RDX: variants seen among roughly 807,000 people sequenced by gnomAD.
RDX encodes the protein radixin, also known as deafness, autosomal recessive 24.
RDX carries 32 observed loss-of-function variants against 83.7 expected under a neutral mutation model. The observed-to-expected ratio is 0.38, with a 90% CI of 0.29 to 0.51. The LOEUF (loss-of-function observed/expected upper bound fraction) is 0.51. Ranked by LOEUF, RDX falls within the 20% of genes least tolerant of loss-of-function variation. RDX has a pLI of 0.87. For missense variants in RDX, 600 were observed against 689.9 expected (o/e 0.87, Z 1.46); for synonymous variants, 229 against 222.7 (o/e 1.03, Z -0.25).
At chr11:110,214,934 A>G (rs1391870715) in intron 14 of RDX, among the ~76,000 whole-genome samples, 1 of 149,340 alleles carries the variant, frequency 6.7e-6, no homozygotes, top group East Asian at 1.9e-4. Flanking sequence ...TGGCACATGT[A>G]TACATATGTA....
intron 14 of RDX, among the ~76,000 whole-genome samples, chr11:110,201,800 G>A (rs371867810): frequency 3.3e-5 from 5 of 152,012 alleles, no homozygotes; most frequent in African/African-American, 4.8e-5. Flanking sequence ...CAATGGCGCC[G>A]TCTTGGCTCA....
At chr11:110,292,118 C>A (rs1861268421) in intron 1 of RDX, among the ~76,000 whole-genome samples, 1 of 152,140 alleles carries the variant, frequency 6.6e-6, no homozygotes, top group South Asian at 2.1e-4. Context: ...CATGGTAACA[C>A]CCTGTCTCTA....
intron 15 of RDX, among the ~76,000 whole-genome samples, chr11:110,198,816 A>G (rs976619829): frequency 1.5e-5 from 2 of 131,286 alleles, no homozygotes; most frequent in Admixed American, 7.5e-5. Context: ...AAATCTGAAT[A>G]CGTCTTTTTT....
In RDX at chr11:110,229,441, T is replaced by C. The variant is rs956540799; in HGVS notation, c.*2428A>G. On this transcript the variant is annotated 3_prime_UTR_variant, in exon 14 of 14. Transcript: ENST00000645495. ...CCATGTTAAATAACAACAGTGGACC[T>C]TGAAGGCATGAGCTTTTGTCACTTT... The C allele has an allele frequency of 2.6e-5, 4 of 152,566 alleles. No homozygotes were observed. The highest frequency in any genetic ancestry group is 7.2e-5 in the African/African-American group (3 of 41,554). The allele number at this position is 152,566 out of a possible 1,614,324, so 9.5% of individuals were successfully genotyped here.
At chr11:110,290,263 G>A (rs550608343) in intron 1 of RDX, among the ~76,000 whole-genome samples, 77 of 152,136 alleles carry the variant, frequency 5.1e-4, no homozygotes, top group African/African-American at 1.7e-3. Flanking sequence ...GGTGGCTCAC[G>A]CCTGTAATCC....
chr11:110,258,009 G>A (rs1326568757), intron 6 of RDX, 96 bp from the exon 7 acceptor site: 1 of 1,476,412 alleles, frequency 6.8e-7, no homozygotes, highest in African/African-American at 1.4e-5. Flanking sequence ...CTTTACATAA[G>A]TCAAACAATC....
intron 15 of RDX, among the ~76,000 whole-genome samples, chr11:110,191,231 T>C (rs898006202): frequency 6.6e-6 from 1 of 152,132 alleles, no homozygotes; most frequent in Admixed American, 6.5e-5. Context: ...TTCACCATGA[T>C]CAAGTCAGCT....
downstream of RDX, among the ~76,000 whole-genome samples, chr11:110,228,545 T>A (rs912151745): frequency 3.9e-5 from 6 of 152,062 alleles, no homozygotes; most frequent in East Asian, 1.2e-3. Context: ...AAGTTAGTAA[T>A]CCCTTAGACT....
chr11:110,267,179 T>C (rs549613577), intron 3 of RDX, among the ~76,000 whole-genome samples: 2 of 152,180 alleles, frequency 1.3e-5, no homozygotes, highest in South Asian at 4.1e-4. Flanking sequence ...GTTGGGATTA[T>C]AGGCATGAGC....
chr11:110,211,321 A>C (rs985119706), intron 14 of RDX, among the ~76,000 whole-genome samples: 14 of 152,236 alleles, frequency 9.2e-5, no homozygotes, highest in African/African-American at 2.6e-4. Flanking sequence ...CAGGAGCACC[A>C]AGATTCATAA....
At chr11:110,179,318 G>A (rs1039416008) in intron 15 of RDX, among the ~76,000 whole-genome samples, 2 of 152,144 alleles carry the variant, frequency 1.3e-5, no homozygotes, top group East Asian at 1.9e-4. Context: ...TGAACACCAC[G>A]CCAGGAAGTA....
At chr11:110,267,286 C>A (rs938198684) in intron 3 of RDX, among the ~76,000 whole-genome samples, 1 of 151,618 alleles carries the variant, frequency 6.6e-6, no homozygotes, top group Admixed American at 6.6e-5. Context: ...GCCAAGGCAG[C>A]TAGATCACTT....
chr11:110,232,132 T>C (rs925224532), intron 13 of RDX, 99 bp from the exon 14 acceptor site: 1 of 954,976 alleles, frequency 1.0e-6, no homozygotes, highest in Non-Finnish European at 1.6e-6. Flanking sequence ...TACCAAATCA[T>C]TTCCACTGTG....
intron 15 of RDX, among the ~76,000 whole-genome samples, chr11:110,191,321 A>C (rs1215032528): frequency 6.6e-6 from 1 of 152,268 alleles, no homozygotes; most frequent in Non-Finnish European, 1.5e-5. Context: ...ATAAAAACAA[A>C]AATGATATGA....
At chr11:110,203,753 C>A (rs896308493) in intron 14 of RDX, among the ~76,000 whole-genome samples, 1 of 152,020 alleles carries the variant, frequency 6.6e-6, no homozygotes, top group African/African-American at 2.4e-5. Flanking sequence ...TACACACACA[C>A]GGTTGGTTAC....
At chr11:110,219,107 C>G (rs1283316458) in intron 14 of RDX, among the ~76,000 whole-genome samples, 1 of 152,078 alleles carries the variant, frequency 6.6e-6, no homozygotes, top group Non-Finnish European at 1.5e-5. Flanking sequence ...GAGGAAGGTA[C>G]AATTTTAAAT....
chr11:110,269,803 C>T (rs1237354623), intron 3 of RDX, among the ~76,000 whole-genome samples: 3 of 151,950 alleles, frequency 2.0e-5, no homozygotes, highest in Admixed American at 6.6e-5. Flanking sequence ...TTTGGGAGGC[C>T]GAGGGAGGCG....
rs190466333 is a variant in RDX, at chr11:110,182,512, G to C, written c.*32-7278C>G. Among the ~76,000 whole-genome samples the C allele has an allele frequency of 1.5e-3, 209 of 139,016 alleles. 3 individuals carry two copies. The East Asian group carries it at 0.03, about 20-fold the overall frequency. The allele number at this position is 139,016 out of a possible 152,430, so 91.2% of individuals were successfully genotyped here. A position where few individuals can be genotyped will look rare whatever the true frequency, so the allele number is the denominator to read the frequency against. On this transcript the variant is annotated intron_variant, in intron 15 of 15. Transcript: ENST00000528498. ...GCTACTCGGGAGGCTGAGGTGGGAGGATGGTTTAAGCCTGAGAGATGGAGG... is the reference window on the plus strand; with the variant it reads ...GCTACTCGGGAGGCTGAGGTGGGAGCATGGTTTAAGCCTGAGAGATGGAGG...
At chr11:110,215,049 A>ATATATAT (rs1555033357) in intron 14 of RDX, among the ~76,000 whole-genome samples, 2 of 97,232 alleles carry the variant, frequency 2.1e-5, no homozygotes, top group South Asian at 3.3e-4. Context: ...AAAAAAAAAA[A>ATATATAT]ATATATATAT....
Sources: allele counts gnomAD v4.1 joint callset (sites outside exome capture counted in the v4.1 genomes callset), GRCh38; gene constraint gnomAD v4.1.1; transcripts MANE v1.5; gene names NCBI Gene and HGNC (gene_info 2026-07-23, HGNC 2026-07-21).